The following SRRM4 variants were observed in gnomAD, a reference collection of about 807,000 sequenced individuals.
SRRM4 encodes the protein serine/arginine repetitive matrix 4.
SRRM4 carries 33 observed loss-of-function variants against 68.9 expected under a neutral mutation model. The ratio of observed to expected loss-of-function variants is 0.48; its 90% confidence interval spans 0.36 to 0.64. The LOEUF (loss-of-function observed/expected upper bound fraction) is 0.64, where lower values mean the gene tolerates loss of function less well. Among genes scored for constraint, SRRM4 ranks in the 30% least tolerant of loss-of-function variants. The pLI is 0.00. For synonymous variants in SRRM4, 318 were observed against 318.8 expected, an observed-to-expected ratio of 1.00 and a Z score of 0.03; for missense variants, 817 against 827.1, an observed-to-expected ratio of 0.99 and a Z score of 0.15.
chr12:119,061,614 T>C (rs1419136177), intron 1 of SRRM4, among the ~76,000 whole-genome samples: 1 of 152,236 alleles, frequency 6.6e-6, no homozygotes, highest in African/African-American at 2.4e-5. Flanking sequence ...ACACATTTAC[T>C]TATTTCCAAA....
At chr12:118,990,580 G>A (rs1224011696) in intron 1 of SRRM4, among the ~76,000 whole-genome samples, 1 of 152,148 alleles carries the variant, frequency 6.6e-6, no homozygotes, top group Non-Finnish European at 1.5e-5. Context: ...GGGTTTTAAG[G>A]TTGGGGGTGT....
chr12:119,100,198 TA>T (rs908965371), intron 1 of SRRM4, among the ~76,000 whole-genome samples: 42 of 152,016 alleles, frequency 2.8e-4, no homozygotes, highest in African/African-American at 8.9e-4. Context: ...CACCAAAATT[TA>T]TTACCATTCA....
chr12:119,000,202 T>C (rs1565886541), intron 1 of SRRM4, among the ~76,000 whole-genome samples: 1 of 152,128 alleles, frequency 6.6e-6, no homozygotes, highest in African/African-American at 2.4e-5. Flanking sequence ...CCATTGAAGA[T>C]GATAAATGGG....
intron 1 of SRRM4, among the ~76,000 whole-genome samples, chr12:119,069,957 C>A (rs1953867577): frequency 6.6e-6 from 1 of 152,066 alleles, no homozygotes; most frequent in Non-Finnish European, 1.5e-5. Flanking sequence ...GTAGAGTGAG[C>A]CAGGTGGAGA....
chr12:119,068,794 G>A (rs1054265429), intron 1 of SRRM4, among the ~76,000 whole-genome samples: 11 of 152,076 alleles, frequency 7.2e-5, no homozygotes. Flanking sequence ...GATCTTAAAA[G>A]GAAGGTGAGG....
intron 3 of SRRM4, among the ~76,000 whole-genome samples, chr12:119,116,124 G>A (rs1954178370): frequency 6.6e-6 from 1 of 152,080 alleles, no homozygotes; most frequent in Non-Finnish European, 1.5e-5. Flanking sequence ...TACCTGAGAG[G>A]GCCCTGTTAG....
At chr12:119,084,749 G>A (rs1953969586) in intron 1 of SRRM4, among the ~76,000 whole-genome samples, 1 of 151,938 alleles carries the variant, frequency 6.6e-6, no homozygotes, top group Non-Finnish European at 1.5e-5. Flanking sequence ...CAATGGAGGG[G>A]GATTGTGCAC....
chr12:119,097,476 G>A (rs966527384), intron 1 of SRRM4, among the ~76,000 whole-genome samples: 60 of 152,188 alleles, frequency 3.9e-4, no homozygotes, highest in African/African-American at 1.2e-3. Context: ...GCTACACGAC[G>A]GTTTCCTTCT....
intron 1 of SRRM4, among the ~76,000 whole-genome samples, chr12:119,003,358 C>A (rs1953397637): frequency 6.6e-6 from 1 of 151,848 alleles, no homozygotes; most frequent in Non-Finnish European, 1.5e-5. Context: ...GAGCCTCAGC[C>A]CCCAGGGCTC....
In SRRM4 at chr12:119,121,091, C is replaced by T. The variant is rs77044265; in HGVS notation, c.464+815C>T. On this transcript the variant is annotated intron_variant, in intron 5 of 12. Transcript: ENST00000267260. ...TTGAAGAAACCAGGTTTTAAAGGGA[C>T]GGGTAACTACCCTGATGTCACACAG... 6.5e-4 allele frequency among the ~76,000 whole-genome samples: 99 copies of T among 152,228 alleles called. 1 individual carries two copies. In the East Asian group the frequency reaches 0.014, roughly 22 times the overall value.
intron 6 of SRRM4, among the ~76,000 whole-genome samples, chr12:119,124,534 C>A (rs771008608): frequency 1.1e-4 from 17 of 152,226 alleles, no homozygotes; most frequent in Non-Finnish European, 1.9e-4. Context: ...TTGGCCCAAA[C>A]CATTGACATC....
At chr12:119,117,596 G>GCGCACACACACACA (rs1555219575) in intron 4 of SRRM4, among the ~76,000 whole-genome samples, 34 of 150,404 alleles carry the variant, frequency 2.3e-4, no homozygotes, top group Non-Finnish European at 4.3e-4. Flanking sequence ...TGTTCACTGT[G>GCGCACACACACACA]CACACACACA....
intron 3 of SRRM4, among the ~76,000 whole-genome samples, 186 bp downstream of exon 3, chr12:119,114,550 G>A (rs1364920031): frequency 6.6e-6 from 1 of 151,568 alleles, no homozygotes; most frequent in African/African-American, 2.4e-5. Flanking sequence ...CCAAAATGGT[G>A]ATAATATCTA....
chr12:119,068,216 G>C (rs1953857910), intron 1 of SRRM4, among the ~76,000 whole-genome samples: 1 of 152,210 alleles, frequency 6.6e-6, no homozygotes, highest in South Asian at 2.1e-4. Flanking sequence ...AATAGCAGTG[G>C]TAACCTAGGG....
At chr12:119,146,680 T>TA (rs1954404241) in intron 9 of SRRM4, among the ~76,000 whole-genome samples, 1 of 152,076 alleles carries the variant, frequency 6.6e-6, no homozygotes, top group Admixed American at 6.5e-5. Context: ...CTCACGCCTG[T>TA]AATCCCAGCA....
At chr12:119,140,447 TTCTC>T (rs1954358131) in intron 8 of SRRM4, among the ~76,000 whole-genome samples, 3 of 152,190 alleles carry the variant, frequency 2.0e-5, no homozygotes, top group Non-Finnish European at 4.4e-5. Context: ...ATCTCATTTA[TTCTC>T]TCTAATTGCA....
chr12:119,085,637 C>T (rs1310197725), intron 1 of SRRM4, among the ~76,000 whole-genome samples: 2 of 152,198 alleles, frequency 1.3e-5, no homozygotes, highest in Non-Finnish European at 2.9e-5. Context: ...CTTTTGGGGG[C>T]TCTGCACAAG....
chr12:119,148,799 C>T (rs1954419972), intron 9 of SRRM4, among the ~76,000 whole-genome samples: 1 of 152,184 alleles, frequency 6.6e-6, no homozygotes, highest in Non-Finnish European at 1.5e-5. Context: ...CAGCCTTTCA[C>T]TTTGAAATAT....
chr12:118,999,342 G>A (rs1235508851), intron 1 of SRRM4, among the ~76,000 whole-genome samples: 1 of 152,168 alleles, frequency 6.6e-6, no homozygotes, highest in Non-Finnish European at 1.5e-5. Context: ...GACAACGCCA[G>A]CTTTGCCTTG....
Sources: allele counts gnomAD v4.1 joint callset (sites outside exome capture counted in the v4.1 genomes callset), GRCh38; gene constraint gnomAD v4.1.1; transcripts MANE v1.5; gene names NCBI Gene and HGNC (gene_info 2026-07-23, HGNC 2026-07-21).